The following TBC1D5 variants were observed in gnomAD, a reference collection of about 807,000 sequenced individuals.
TBC1D5 encodes the protein TBC1 domain family, member 5.
In TBC1D5, 75 loss-of-function variants were observed where a neutral mutation model predicts 100.3. That is an observed-to-expected ratio of 0.75 (90% CI 0.62 to 0.91). The LOEUF is 0.91. Ranked by LOEUF, TBC1D5 falls within the 40% of genes least tolerant of loss-of-function variation. The pLI is 0.00. For missense variants in TBC1D5, 910 were observed against 942.4 expected (o/e 0.97, Z 0.45); for synonymous variants, 323 against 325.6 (o/e 0.99, Z 0.09).
intron 3 of TBC1D5, among the ~76,000 whole-genome samples, chr3:17,507,828 TTCTG>T (rs1175429260): frequency 2.0e-5 from 3 of 152,192 alleles, no homozygotes; most frequent in Non-Finnish European, 2.9e-5. Flanking sequence ...ACTCAATTGC[TTCTG>T]TCTAAGAAAC....
intron 8 of TBC1D5, among the ~76,000 whole-genome samples, chr3:17,392,451 G>C (rs964067410): frequency 6.3e-4 from 95 of 151,990 alleles, no homozygotes; most frequent in African/African-American, 2.2e-3. Flanking sequence ...ATGCCATGGT[G>C]GTTTGCTGCA....
intron 2 of TBC1D5, among the ~76,000 whole-genome samples, chr3:17,530,236 T>G (rs2096201820): frequency 6.9e-6 from 1 of 144,456 alleles, no homozygotes; most frequent in Admixed American, 6.8e-5. Context: ...AGAGCGAGAC[T>G]TCGTCTCAAA....
At chr3:17,725,004 T>C (rs2076007971) in intron 1 of TBC1D5, among the ~76,000 whole-genome samples, 2 of 152,192 alleles carry the variant, frequency 1.3e-5, no homozygotes, top group African/African-American at 4.8e-5. Flanking sequence ...TTTTCAAATG[T>C]GTTAAGTTTC....
chr3:17,681,440 T>C (rs1379026295), intron 1 of TBC1D5, among the ~76,000 whole-genome samples: 1 of 151,568 alleles, frequency 6.6e-6, no homozygotes, highest in Non-Finnish European at 1.5e-5. Context: ...TAATTTGCCA[T>C]GTCAGATAAA....
chr3:17,165,012 T>C (rs929090253), intron 21 of TBC1D5, among the ~76,000 whole-genome samples: 1 of 152,184 alleles, frequency 6.6e-6, no homozygotes, highest in African/African-American at 2.4e-5. Context: ...TTATTTTCAC[T>C]TGTGGGGTCT....
At chr3:17,478,615 T>C (rs755360979) in intron 3 of TBC1D5, among the ~76,000 whole-genome samples, 4 of 152,204 alleles carry the variant, frequency 2.6e-5, no homozygotes, top group African/African-American at 9.6e-5. Context: ...ACTGCTAGTA[T>C]ACAAAAATAC....
intron 4 of TBC1D5, among the ~76,000 whole-genome samples, chr3:17,422,829 T>C (rs972618079): frequency 3.3e-5 from 5 of 152,170 alleles, no homozygotes; most frequent in African/African-American, 9.7e-5. Flanking sequence ...TTATTGATTA[T>C]TGATTATATG....
chr3:17,331,836 A>G (rs1291426345), intron 13 of TBC1D5, among the ~76,000 whole-genome samples: 1 of 152,246 alleles, frequency 6.6e-6, no homozygotes, highest in Admixed American at 6.5e-5. Flanking sequence ...CAAAGGCTCC[A>G]TGGCAGGAAC....
chr3:17,504,183 GGTACT>G (rs2095817324), intron 3 of TBC1D5, among the ~76,000 whole-genome samples: 2 of 46 alleles, frequency 0.043, no homozygotes, highest in Non-Finnish European at 0.038. Context: ...CATAAGTGGA[GGTACT>G]CAAACTGTGT....
intron 2 of TBC1D5, among the ~76,000 whole-genome samples, chr3:17,595,322 G>A (rs994092905): frequency 1.3e-5 from 2 of 152,172 alleles, no homozygotes; most frequent in African/African-American, 4.8e-5. Context: ...GCCAGGATAT[G>A]GGTAGTTTAA....
intron 1 of TBC1D5, among the ~76,000 whole-genome samples, chr3:17,679,613 A>G (rs1577419306): frequency 6.6e-6 from 1 of 151,494 alleles, no homozygotes; most frequent in Non-Finnish European, 1.5e-5. Context: ...TTTCAACTAA[A>G]TATCTACTTA....
Position 17,508,457 on chromosome 3 carries a change from T to C in TBC1D5, c.97+17A>G. ...CCAGTACACTACCTACAAATAGTAT[T>C]GGCATACAAAACTCACCTCCAGACT... On this transcript the variant is annotated intron_variant, in intron 3 of 21. Coordinates refer to ENST00000253692, the Ensembl canonical transcript of TBC1D5. The C allele has an allele frequency of 6.3e-7, 1 of 1,593,406 alleles. No individual in the cohort carries two copies. The highest frequency in any genetic ancestry group is 1.3e-5 in the African/African-American group (1 of 74,590).
chr3:17,584,813 C>T (rs939291584), intron 2 of TBC1D5, among the ~76,000 whole-genome samples: 21 of 152,112 alleles, frequency 1.4e-4, no homozygotes, highest in African/African-American at 4.8e-4. Context: ...CCTGACATGA[C>T]GCCCAGCTAG....
intron 18 of TBC1D5, among the ~76,000 whole-genome samples, chr3:17,187,192 A>G (rs917562907): frequency 6.6e-6 from 1 of 152,174 alleles, no homozygotes; most frequent in Non-Finnish European, 1.5e-5. Flanking sequence ...ATGTTGCTTC[A>G]TTCATTACGA....
At chr3:17,646,285 T>C (rs1447645302) in intron 1 of TBC1D5, among the ~76,000 whole-genome samples, 1 of 152,182 alleles carries the variant, frequency 6.6e-6, no homozygotes, top group Non-Finnish European at 1.5e-5. Flanking sequence ...CTAGAACCTT[T>C]AGCCTACACT....
intron 1 of TBC1D5, among the ~76,000 whole-genome samples, chr3:17,694,725 C>G (rs577681788): frequency 2.2e-4 from 34 of 152,266 alleles, no homozygotes; most frequent in Admixed American, 3.9e-4. Context: ...GGCCAACATT[C>G]AAATTCAGGA....
intron 1 of TBC1D5, among the ~76,000 whole-genome samples, chr3:17,699,430 T>C (rs1448566862): frequency 2.3e-5 from 3 of 131,988 alleles, no homozygotes; most frequent in Non-Finnish European, 4.9e-5. Context: ...CATTGGGAGA[T>C]ATACCTAATG....
upstream of TBC1D5, chr3:17,740,953 C>T (rs550071437): frequency 1.3e-5 from 2 of 152,362 alleles, no homozygotes; most frequent in Non-Finnish European, 2.9e-5. Flanking sequence ...CTATCCCCTC[C>T]CCTGGAATCC....
At chr3:17,250,449 A>G in intron 16 of TBC1D5, among the ~76,000 whole-genome samples, 1 of 152,236 alleles carries the variant, frequency 6.6e-6, no homozygotes, top group Middle Eastern at 3.2e-3. Context: ...AATGGCCTGT[A>G]AGGCAAGCCC....
Sources: allele counts gnomAD v4.1 joint callset (sites outside exome capture counted in the v4.1 genomes callset), GRCh38; gene constraint gnomAD v4.1.1; transcripts MANE v1.5; gene names NCBI Gene and HGNC (gene_info 2026-07-23, HGNC 2026-07-21).